ASCC3: variants seen among roughly 807,000 people sequenced by gnomAD.
ASCC3 encodes activating signal cointegrator 1 complex subunit 3.
Under a neutral mutation model 256.3 loss-of-function variants are expected in ASCC3, and 158 were observed. The observed-to-expected ratio is 0.62, with a 90% CI of 0.54 to 0.70. The LOEUF is 0.70. Ranked by LOEUF, ASCC3 falls within the 30% of genes least tolerant of loss-of-function variation. The pLI, the probability that ASCC3 is intolerant of heterozygous loss-of-function variation, is 0.00. For synonymous variants in ASCC3, 948 were observed against 883.4 expected, an observed-to-expected ratio of 1.07 and a Z score of -1.30; for missense variants, 2,259 against 2,626.0, an observed-to-expected ratio of 0.86 and a Z score of 3.05.
chr6:100,653,372 GCT>G (rs1367349805), intron 17 of ASCC3, among the ~76,000 whole-genome samples: 2 of 152,150 alleles, frequency 1.3e-5, no homozygotes, highest in East Asian at 3.9e-4. Flanking sequence ...GGGCACAGTG[GCT>G]CACACCTGTA....
chr6:100,586,154 T>C (rs1487408815), intron 36 of ASCC3, among the ~76,000 whole-genome samples: 1 of 152,218 alleles, frequency 6.6e-6, no homozygotes, highest in South Asian at 2.1e-4. Flanking sequence ...GTTACTGCTA[T>C]CTTTTTGTTT....
intron 8 of ASCC3, among the ~76,000 whole-genome samples, chr6:100,774,457 C>A (rs1782088829): frequency 6.6e-6 from 1 of 152,148 alleles, no homozygotes; most frequent in African/African-American, 2.4e-5. Context: ...CCTCCGCCTC[C>A]CAGGTTCAAG....
At chr6:100,792,884 G>A (rs1199004327) in intron 8 of ASCC3, among the ~76,000 whole-genome samples, 1 of 151,864 alleles carries the variant, frequency 6.6e-6, no homozygotes, top group Admixed American at 6.6e-5. Flanking sequence ...GAGCAGGGTG[G>A]CAATCCACAA....
intron 25 of ASCC3, among the ~76,000 whole-genome samples, chr6:100,631,854 T>A: frequency 6.6e-6 from 1 of 152,056 alleles, no homozygotes; most frequent in Non-Finnish European, 1.5e-5. Flanking sequence ...CATGTCTCTA[T>A]AGATCAATAA....
chr6:100,861,841 T>C (rs942232197), intron 3 of ASCC3, among the ~76,000 whole-genome samples: 1 of 152,084 alleles, frequency 6.6e-6, no homozygotes, highest in Non-Finnish European at 1.5e-5. Context: ...TTTAAAACAA[T>C]CTTTTTTGAC....
At chr6:100,589,121 T>G (rs951491238) in intron 36 of ASCC3, among the ~76,000 whole-genome samples, 1 of 152,134 alleles carries the variant, frequency 6.6e-6, no homozygotes, top group African/African-American at 2.4e-5. Context: ...GAACACAGTA[T>G]AGTTTTTTAC....
chr6:100,762,421 T>C (rs1781462566), intron 10 of ASCC3, among the ~76,000 whole-genome samples: 2 of 152,120 alleles, frequency 1.3e-5, no homozygotes, highest in Non-Finnish European at 2.9e-5. Context: ...CATTGTAAAA[T>C]AGTAACTCTT....
chr6:100,787,156 T>A (rs1011589747), intron 8 of ASCC3, among the ~76,000 whole-genome samples: 6 of 152,098 alleles, frequency 3.9e-5, no homozygotes, highest in African/African-American at 1.4e-4. Context: ...TGGCAGAGGC[T>A]GTCACTCCCA....
chr6:100,634,661 T>C (rs1160663601), intron 25 of ASCC3, among the ~76,000 whole-genome samples: 2 of 151,838 alleles, frequency 1.3e-5, no homozygotes, highest in Non-Finnish European at 2.9e-5. Context: ...TATAACATCA[T>C]CAAGGAAATG....
chr6:100,588,372 G>A (rs1375876775), intron 36 of ASCC3, among the ~76,000 whole-genome samples: 1 of 152,056 alleles, frequency 6.6e-6, no homozygotes, highest in African/African-American at 2.4e-5. Context: ...TAAGAGGCAT[G>A]CCCAAATTAA....
chr6:100,751,866 C>A (rs917732308), intron 10 of ASCC3, among the ~76,000 whole-genome samples: 4 of 152,044 alleles, frequency 2.6e-5, no homozygotes, highest in African/African-American at 9.7e-5. Flanking sequence ...ATTACTAACT[C>A]CCTAAAAGAG....
intron 3 of ASCC3, chr6:100,856,241 T>C (rs977409610): frequency 8.2e-5 from 27 of 327,568 alleles, no homozygotes; most frequent in African/African-American, 6.1e-4. Flanking sequence ...TTGAGCTGAA[T>C]GTATTCCTAA....
intron 10 of ASCC3, among the ~76,000 whole-genome samples, chr6:100,729,843 T>C (rs1234877541): frequency 2.0e-5 from 3 of 152,190 alleles, no homozygotes; most frequent in African/African-American, 4.8e-5. Flanking sequence ...ACTTAGACTG[T>C]AGAAAACCGG....
At chr6:100,698,168 C>T (rs1379457717) in intron 13 of ASCC3, among the ~76,000 whole-genome samples, 1 of 152,012 alleles carries the variant, frequency 6.6e-6, no homozygotes, top group Non-Finnish European at 1.5e-5. Context: ...AACTCATTAG[C>T]CTTTTCTTTT....
At chr6:100,877,242 G>C (rs1473885889) in intron 1 of ASCC3, among the ~76,000 whole-genome samples, 1 of 151,980 alleles carries the variant, frequency 6.6e-6, no homozygotes, top group Non-Finnish European at 1.5e-5. Flanking sequence ...AATTATTAAA[G>C]GGACAAAAAT....
Position 100,560,515 on chromosome 6 carries a change from T to C in ASCC3, c.5551-20128A>G, listed in dbSNP as rs1344702923. Among the ~76,000 whole-genome samples the C allele has an allele frequency of 7.9e-5, 12 of 151,980 alleles. No homozygotes were observed. In the East Asian group the frequency reaches 1.7e-3, roughly 22 times the overall value. On this transcript the variant is annotated intron_variant, in intron 36 of 41. Transcript: ENST00000369162. ...TTACAAGCATAACAGAAAAAATTAATCTCTGCTGGCAGCACTCCCACTGGG... is the reference window on the plus strand; with the variant it reads ...TTACAAGCATAACAGAAAAAATTAACCTCTGCTGGCAGCACTCCCACTGGG...
intron 8 of ASCC3, among the ~76,000 whole-genome samples, chr6:100,784,771 A>G (rs1403026167): frequency 6.6e-6 from 1 of 151,888 alleles, no homozygotes; most frequent in Non-Finnish European, 1.5e-5. Context: ...ATTTTTTGGT[A>G]ATAGATAAAT....
chr6:100,509,628 C>T (rs1245210625), intron 41 of ASCC3, 95 bp from the exon 42 acceptor site: 69 of 1,221,104 alleles, frequency 5.7e-5, no homozygotes, highest in East Asian at 4.1e-4. Flanking sequence ...AGGCTGGGTG[C>T]GGTGGCTCAC....
intron 25 of ASCC3, among the ~76,000 whole-genome samples, chr6:100,636,562 T>C (rs1358317155): frequency 3.3e-5 from 5 of 152,046 alleles, no homozygotes; most frequent in Non-Finnish European, 5.9e-5. Flanking sequence ...TCACTTTAAA[T>C]CAAAAGCTAG....
Sources: gnomAD v4.1 joint callset for allele counts (sites outside exome capture counted in the v4.1 genomes callset) on GRCh38, gnomAD v4.1.1 for gene constraint, MANE v1.5 for transcripts, NCBI Gene and HGNC (gene_info 2026-07-23, HGNC 2026-07-21) for gene names.